BRINP3: variants seen among roughly 807,000 people sequenced by gnomAD.
BRINP3 encodes the protein BMP/retinoic acid-inducible neural-specific protein 3.
BRINP3 carries 19 observed loss-of-function variants against 71.0 expected under a neutral mutation model. That is an observed-to-expected ratio of 0.27 (90% CI 0.19 to 0.39). BRINP3 has a LOEUF of 0.39. Ranked by LOEUF, BRINP3 falls within the 10% of genes least tolerant of loss-of-function variation. The probability of loss-of-function intolerance (pLI) is 1.00; values close to 1 mark genes in which losing one functional copy is unlikely to be tolerated. For synonymous variants in BRINP3, 380 were observed against 337.7 expected, an observed-to-expected ratio of 1.13 and a Z score of -1.37; for missense variants, 959 against 940.8, an observed-to-expected ratio of 1.02 and a Z score of -0.25.
intron 2 of BRINP3, among the ~76,000 whole-genome samples, chr1:190,334,076 G>A (rs917615520): frequency 6.6e-6 from 1 of 151,726 alleles, no homozygotes; most frequent in Non-Finnish European, 1.5e-5. Flanking sequence ...TACACATAAA[G>A]AGAATCAGAT....
At position 190,389,736 on chromosome 1, in the gene BRINP3, T is replaced by G. The variant is rs1287643585; in HGVS notation, c.236+64919A>C. ...CTCAATAAATGCAAATGGATATTACTATTGGAACGGAAACAAACCAACTGA... is the reference window on the plus strand; with the variant it reads ...CTCAATAAATGCAAATGGATATTACGATTGGAACGGAAACAAACCAACTGA... On this transcript the variant is annotated intron_variant, in intron 2 of 7. Transcript: ENST00000367462. 2.6e-5 allele frequency among the ~76,000 whole-genome samples: 4 copies of G among 151,852 alleles called. No individual in the cohort carries two copies. In the Admixed American group the frequency reaches 2.6e-4, roughly 10 times the overall value.
chr1:190,463,253 A>C (rs904136526), intron 1 of BRINP3, among the ~76,000 whole-genome samples: 27 of 151,766 alleles, frequency 1.8e-4, no homozygotes, highest in African/African-American at 6.5e-4. Flanking sequence ...AGACATAATA[A>C]AATTTCAGAG....
intron 1 of BRINP3, among the ~76,000 whole-genome samples, chr1:190,460,683 T>C (rs1471457543): frequency 3.9e-5 from 6 of 152,316 alleles, no homozygotes; most frequent in African/African-American, 7.2e-5. Context: ...CAGGGCATAC[T>C]GCCTGTGGCC....
At chr1:190,151,073 G>A (rs1008614657) in intron 7 of BRINP3, among the ~76,000 whole-genome samples, 1 of 152,046 alleles carries the variant, frequency 6.6e-6, no homozygotes, top group South Asian at 2.1e-4. Flanking sequence ...CTTGAACCTG[G>A]GAGGTGGAGT....
chr1:190,420,979 C>G (rs984472288), intron 2 of BRINP3, among the ~76,000 whole-genome samples: 1 of 151,640 alleles, frequency 6.6e-6, no homozygotes. Context: ...GTTTCTTGAC[C>G]CTATGACTTT....
intron 3 of BRINP3, among the ~76,000 whole-genome samples, chr1:190,266,157 T>G (rs1365569662): frequency 6.6e-6 from 1 of 152,236 alleles, no homozygotes; most frequent in Non-Finnish European, 1.5e-5. Context: ...GTTTTCATTC[T>G]TTCAGCAACC....
At chr1:190,185,152 A>T (rs1653400924) in intron 6 of BRINP3, among the ~76,000 whole-genome samples, 1 of 152,156 alleles carries the variant, frequency 6.6e-6, no homozygotes, top group African/African-American at 2.4e-5. Flanking sequence ...GGAAATAATC[A>T]ACAGACTGAA....
chr1:190,472,313 A>G (rs879102360), intron 1 of BRINP3, among the ~76,000 whole-genome samples: 1 of 151,656 alleles, frequency 6.6e-6, no homozygotes, highest in Admixed American at 6.6e-5. Context: ...CTACGTGTAC[A>G]AGCACTCTAC....
intron 2 of BRINP3, among the ~76,000 whole-genome samples, chr1:190,339,486 C>T (rs1404412926): frequency 6.6e-6 from 1 of 151,922 alleles, no homozygotes; most frequent in Non-Finnish European, 1.5e-5. Context: ...GAAATTAATG[C>T]TTAAATGTAA....
intron 2 of BRINP3, among the ~76,000 whole-genome samples, chr1:190,353,104 C>T (rs1163025177): frequency 6.6e-6 from 1 of 151,458 alleles, no homozygotes; most frequent in Non-Finnish European, 1.5e-5. Context: ...TATATGCAGG[C>T]TCTCACCAGA....
intron 2 of BRINP3, among the ~76,000 whole-genome samples, chr1:190,422,188 A>G (rs1452143823): frequency 1.3e-5 from 2 of 151,834 alleles, no homozygotes; most frequent in African/African-American, 2.4e-5. Flanking sequence ...TTCAAGGTAT[A>G]ATAAGACAAT....
chr1:190,417,091 T>C (rs1236793897), intron 2 of BRINP3, among the ~76,000 whole-genome samples: 1 of 152,178 alleles, frequency 6.6e-6, no homozygotes, highest in Non-Finnish European at 1.5e-5. Context: ...CTCAGAATTG[T>C]GTAGAATGCC....
chr1:190,228,431 A>G (rs2102711171), intron 5 of BRINP3, among the ~76,000 whole-genome samples: 1 of 151,668 alleles, frequency 6.6e-6, no homozygotes, highest in East Asian at 1.9e-4. Context: ...GTCATAAAGC[A>G]CATCATTGCA....
chr1:190,115,131 C>T (rs1653022243), intron 7 of BRINP3, among the ~76,000 whole-genome samples: 1 of 152,020 alleles, frequency 6.6e-6, no homozygotes, highest in Admixed American at 6.6e-5. Flanking sequence ...TCATAGTCCC[C>T]ATGTACTCAA....
chr1:190,405,610 G>C (rs1281407835), intron 2 of BRINP3, among the ~76,000 whole-genome samples: 3 of 151,550 alleles, frequency 2.0e-5, no homozygotes, highest in Admixed American at 6.6e-5. Context: ...ATATAAATTA[G>C]TGCAGTATCA....
intron 6 of BRINP3, among the ~76,000 whole-genome samples, chr1:190,220,089 A>T (rs1004395192): frequency 2.6e-5 from 4 of 152,076 alleles, no homozygotes; most frequent in African/African-American, 9.7e-5. Flanking sequence ...ATATTCAGGT[A>T]TAGAACGATC....
At chr1:190,310,102 TG>T (rs367694804) in intron 2 of BRINP3, among the ~76,000 whole-genome samples, 1 of 141,156 alleles carries the variant, frequency 7.1e-6, no homozygotes, top group Non-Finnish European at 1.5e-5. Context: ...TTGTGGTTGT[TG>T]TTTTTTTTTT....
intron 2 of BRINP3, among the ~76,000 whole-genome samples, chr1:190,348,672 A>T (rs1332438309): frequency 6.6e-6 from 1 of 152,142 alleles, no homozygotes; most frequent in Non-Finnish European, 1.5e-5. Context: ...TCTTCCAAAG[A>T]GTCTACTATT....
intron 6 of BRINP3, among the ~76,000 whole-genome samples, chr1:190,210,087 A>G (rs1490991909): frequency 6.6e-6 from 1 of 152,122 alleles, no homozygotes; most frequent in African/African-American, 2.4e-5. Context: ...CTATGTGACC[A>G]TTATGAGGTT....
Sources: allele counts gnomAD v4.1 joint callset (sites outside exome capture counted in the v4.1 genomes callset), GRCh38; gene constraint gnomAD v4.1.1; transcripts MANE v1.5; gene names NCBI Gene and HGNC (gene_info 2026-07-23, HGNC 2026-07-21).